ASAH1: variants seen among roughly 807,000 people sequenced by gnomAD.
ASAH1 encodes the protein N-acylsphingosine amidohydrolase 1, also known as acid ceramidase.
Under a neutral mutation model 59.5 loss-of-function variants are expected in ASAH1, and 70 were observed. That is an observed-to-expected ratio of 1.18 (90% confidence interval 0.97 to 1.43). The LOEUF is 1.43. Ranked by LOEUF, ASAH1 falls within the 40% of genes most tolerant of loss-of-function variation. ASAH1 has a pLI of 0.00. For synonymous variants in ASAH1, 213 were observed against 166.5 expected, an observed-to-expected ratio of 1.28 and a Z score of -2.15; for missense variants, 660 against 482.5, an observed-to-expected ratio of 1.37 and a Z score of -3.45.
At position 18,059,591 on chromosome 8, in the gene ASAH1, C is replaced by A; in HGVS notation, c.898G>T (p.Glu300Ter). 5 of 1,614,162 alleles carry A rather than the reference C, an allele frequency of 3.1e-6. No homozygotes were observed. The highest frequency in any genetic ancestry group is 3.4e-6 in the Non-Finnish European group (4 of 1,180,024). ...EGCVITRDRK[E>*]SLDVYELDAK... ...ACTTACTCATATACATCCAATGATTCCTTTCTGTCTCGTGTAATCACACAA... is the reference window on the plus strand; with the variant it reads ...ACTTACTCATATACATCCAATGATTACTTTCTGTCTCGTGTAATCACACAA... The change falls in exon 11 of 14, where the codon GAA becomes TAA. Residue 300 changes from glutamate (E) to a stop codon, truncating the protein, a stop_gained. Coordinates refer to ENST00000637790, the MANE Select transcript of ASAH1 (RefSeq NM_177924.5). LOFTEE classifies it high-confidence loss of function.
At chr8:18,057,945 C>A (rs1799538541) in intron 13 of ASAH1, 1 of 167,464 alleles carries the variant, frequency 6.0e-6, no homozygotes, top group Admixed American at 6.3e-5. Flanking sequence ...CATTGCTCCA[C>A]CCCCAATGCT....
chr8:18,079,290 A>AC (rs1393771486), intron 1 of ASAH1, among the ~76,000 whole-genome samples: 10 of 150,778 alleles, frequency 6.6e-5, no homozygotes, highest in African/African-American at 2.4e-4. Flanking sequence ...AAAAAAAAAC[A>AC]AAAAACTCTC....
upstream of ASAH1, chr8:18,084,539 G>A: frequency 6.2e-6 from 9 of 1,455,874 alleles, no homozygotes; most frequent in Non-Finnish European, 8.4e-6. Context: ...ACCCATCTTT[G>A]CCCTCTGAGA....
chr8:18,079,770 T>G (rs1012657745), intron 1 of ASAH1, among the ~76,000 whole-genome samples: 4 of 152,234 alleles, frequency 2.6e-5, no homozygotes, highest in Admixed American at 6.5e-5. Flanking sequence ...AACAACTATT[T>G]TGCAGACAAG....
At chr8:18,069,941 G>A (rs1564545634) in intron 3 of ASAH1, 63 bp from the exon 4 acceptor site, 2 of 1,219,350 alleles carry the variant, frequency 1.6e-6, no homozygotes, top group South Asian at 1.2e-5. Flanking sequence ...TTACCTTTTG[G>A]CTTACCCATA....
chr8:18,059,096 A>G (rs1261045211), intron 12 of ASAH1: 2 of 700,372 alleles, frequency 2.9e-6, no homozygotes, highest in Admixed American at 2.8e-5. Context: ...CCCCTTTTTT[A>G]AATTCTTGCC....
chr8:18,063,367 G>C, intron 6 of ASAH1, 137 bp from the exon 7 acceptor site: 1 of 797,064 alleles, frequency 1.3e-6, no homozygotes, highest in East Asian at 2.6e-5. Context: ...GCAGTGGTGC[G>C]ATCTCAGCTC....
chr8:18,071,243 A>AGAAAT, intron 3 of ASAH1, 57 bp downstream of exon 3: 1 of 824,622 alleles, frequency 1.2e-6, no homozygotes, highest in East Asian at 3.6e-5. Context: ...ATAAAAATAA[A>AGAAAT]GAAATAAAAT....
chr8:18,062,161 G>C (rs1410122899), intron 8 of ASAH1, 118 bp downstream of exon 8: 8 of 1,341,326 alleles, frequency 6.0e-6, no homozygotes, highest in South Asian at 1.2e-5. Context: ...GAAGTACAAG[G>C]GGGTGAAATG....
intron 13 of ASAH1, chr8:18,058,244 G>C (rs1363454010): frequency 5.2e-5 from 8 of 154,074 alleles, no homozygotes; most frequent in Middle Eastern, 3.4e-3. Flanking sequence ...AAAGGCCGGA[G>C]GGATTTGTCC....
At chr8:18,071,034 C>A (rs1220494177) in intron 3 of ASAH1, among the ~76,000 whole-genome samples, 2 of 151,978 alleles carry the variant, frequency 1.3e-5, no homozygotes, top group African/African-American at 4.8e-5. Flanking sequence ...ATGGCAAAAT[C>A]TTGTCTCTAC....
intron 1 of ASAH1, among the ~76,000 whole-genome samples, chr8:18,079,287 A>AC (rs1396265467): frequency 2.7e-5 from 4 of 150,588 alleles, no homozygotes; most frequent in African/African-American, 5.0e-5. Context: ...AAAAAAAAAA[A>AC]ACAAAAAACT....
At chr8:18,066,910 A>C (rs1397405550) in intron 5 of ASAH1, 1 of 354,222 alleles carries the variant, frequency 2.8e-6, no homozygotes, top group African/African-American at 2.1e-5. Flanking sequence ...TATTTATACA[A>C]AGTTCACGAA....
In ASAH1 at chr8:18,078,373, T is replaced by C. The variant is rs78927710; in HGVS notation, c.79-2786A>G. ...ACATGTGGAGTGAGTCTGAGGTTGA[T>C]AACGACTCTTGGTAGCAATAAACAA... On this transcript the variant is annotated intron_variant, in intron 1 of 13. Transcript: ENST00000637790. Among the ~76,000 whole-genome samples, 230 of 152,266 alleles carry C rather than the reference T, an allele frequency of 1.5e-3. 5 individuals carry two copies. In the East Asian group the frequency reaches 0.037, roughly 25 times the overall value.
intron 5 of ASAH1, 129 bp downstream of exon 5, chr8:18,067,091 T>C: frequency 2.4e-5 from 3 of 127,016 alleles, no homozygotes; most frequent in Non-Finnish European, 7.9e-5. Context: ...GCTGTATATC[T>C]AAGACCTGTG....
chr8:18,075,654 A>C (rs1800374557), intron 1 of ASAH1, 67 bp from the exon 2 acceptor site: 1 of 1,454,962 alleles, frequency 6.9e-7, no homozygotes, highest in South Asian at 1.1e-5. Flanking sequence ...AGCAATTTCA[A>C]AAGTAGTTAA....
intron 2 of ASAH1, 84 bp from the exon 3 acceptor site, chr8:18,071,474 A>G (rs780893089): frequency 1.6e-5 from 15 of 949,080 alleles, no homozygotes; most frequent in Non-Finnish European, 2.4e-5. Context: ...AATATATGAG[A>G]GGCAAAGTCT....
rs749643743 is a variant in ASAH1 at position 18,062,351 on chromosome 8, T to C, written c.576A>G (p.Gln192=). ...CCTTGAAGACAGTTTTGTTGTTTCT[T>C]TGGAAATCCAAATTCACTGTTAAAG... The part of the protein sequence containing the change: ...LKPLTVNLDF[Q]RNNKTVFKAS... Residue 192 remains glutamine, a synonymous_variant, in exon 8 of 14, where the codon CAA becomes CAG. Transcript: ENST00000637790. 1.3e-5 allele frequency: 21 copies of C among 1,614,130 alleles called. No homozygotes were observed. Among genetic ancestry groups the C allele is most frequent in the Non-Finnish European group, 1.6e-5 (19 of 1,180,046 alleles).
chr8:18,058,752 T>C (rs1056111066), intron 13 of ASAH1, 83 bp downstream of exon 13: 2 of 1,274,178 alleles, frequency 1.6e-6, no homozygotes, highest in African/African-American at 2.9e-5. Context: ...GTGCTCAAAC[T>C]GATCAAAGAT....
Sources: gnomAD v4.1 joint callset for allele counts (sites outside exome capture counted in the v4.1 genomes callset) on GRCh38, gnomAD v4.1.1 for gene constraint, MANE v1.5 for transcripts, NCBI Gene and HGNC (gene_info 2026-07-23, HGNC 2026-07-21) for gene names.